Variants in LZTS3 observed in about 807,000 individuals in gnomAD.
The protein encoded by LZTS3 is leucine zipper putative tumor suppressor 3.
A neutral mutation model predicts 50.9 loss-of-function variants in LZTS3; 16 were observed. That is an observed-to-expected ratio of 0.31 (90% CI 0.21 to 0.48). LZTS3 has a LOEUF of 0.48. Ranked by LOEUF, LZTS3 falls within the 20% of genes least tolerant of loss-of-function variation. The probability of loss-of-function intolerance (pLI) is 0.99; values close to 1 mark genes in which losing one functional copy is unlikely to be tolerated. For synonymous variants in LZTS3, 408 were observed against 410.6 expected, an observed-to-expected ratio of 0.99 and a Z score of 0.08; for missense variants, 816 against 931.0, an observed-to-expected ratio of 0.88 and a Z score of 1.61.
chr20:3,171,324 C>T (rs1365645027), intron 1 of LZTS3, among the ~76,000 whole-genome samples: 1 of 152,090 alleles, frequency 6.6e-6, no homozygotes, highest in Non-Finnish European at 1.5e-5. Flanking sequence ...TTGTCCTGAG[C>T]CTCCTTTCTC....
chr20:3,172,052 A>G (rs1029197286), intron 1 of LZTS3, among the ~76,000 whole-genome samples: 6 of 151,962 alleles, frequency 3.9e-5, no homozygotes, highest in Non-Finnish European at 5.9e-5. Flanking sequence ...TCTCCTAAAA[A>G]TCTCTAGCCA....
Position 3,165,872 on chromosome 20 carries a change from G to C in LZTS3, c.948C>G (p.Ser316=), listed in dbSNP as rs1225612228. Residue 316 remains serine (S), a synonymous_variant, in exon 4 of 5, where the codon TCC becomes TCG. Transcript: ENST00000337576. The surrounding 1 kb of genome is among the most constrained non-coding windows in gnomAD (Gnocchi z 5.0). The part of the protein sequence containing the change: ...GLPFAACSPP[S]PSALIQELEE... The stretch of plus-strand genomic sequence containing the variant: ...CCAGCTCCTGGATGAGTGCACTGGG[G>C]GAGGGCGGTGAGCAGGCCGCGAAAG... 6.2e-7 allele frequency: 1 copy of C among 1,606,518 alleles called. No homozygotes were observed. The highest frequency in any genetic ancestry group is 1.7e-5 in the Admixed American group (1 of 59,924).
In LZTS3 at chr20:3,162,673, T is replaced by C. The variant is rs2066751530; in HGVS notation, c.*1781A>G. The stretch of plus-strand genomic sequence containing the variant: ...CTTTGGGAAAGGAAAACAAAAAGTC[T>C]TTCCATCACATATGGTAGAGATATA... On this transcript the variant is annotated 3_prime_UTR_variant, in exon 5 of 5. Transcript: ENST00000337576. The surrounding 1 kb of genome is among the most constrained non-coding windows in gnomAD (Gnocchi z 5.0). 6.6e-6 allele frequency: 1 copy of C among 152,596 alleles called. No homozygotes were observed. Among genetic ancestry groups the C allele is most frequent in the South Asian group, 2.1e-4 (1 of 4,834 alleles). 9.5% of individuals were successfully genotyped at this position (152,596 alleles called of 1,614,324 possible). A position where few individuals can be genotyped will look rare whatever the true frequency, so the allele number is the denominator to read the frequency against.
rs775727438 is a variant in LZTS3 at position 3,164,335 on chromosome 20, G to A, written c.*119C>T. The stretch of plus-strand genomic sequence containing the variant: ...GGAGGAACCTGGTCACAGCTGCTTA[G>A]AGAACCTCTTTGGTCTGGGGTTATG... On this transcript the variant is annotated 3_prime_UTR_variant, in exon 5 of 5. Coordinates refer to ENST00000337576, the MANE Select transcript of LZTS3 (RefSeq NM_001365618.1). 2.0e-4 allele frequency: 229 copies of A among 1,145,912 alleles called. No individual in the cohort carries two copies. Among genetic ancestry groups the A allele is most frequent in the Non-Finnish European group, 2.3e-4 (192 of 841,946 alleles). 71.0% of individuals were successfully genotyped at this position (1,145,912 alleles called of 1,614,324 possible).
chr20:3,165,414 A>T lies in LZTS3; in HGVS notation c.1323+83T>A. Reference sequence around the variant, plus strand: ...TCATCCCCCCCCCCATCCCACCGTTATGATAGTGAGGGGCAACTGCTCTGG... The same window carrying T: ...TCATCCCCCCCCCCATCCCACCGTTTTGATAGTGAGGGGCAACTGCTCTGG... On this transcript the variant is annotated intron_variant, in intron 4 of 4. Coordinates refer to ENST00000337576, the MANE Select transcript of LZTS3 (RefSeq NM_001365618.1). The surrounding 1 kb of genome is among the most constrained non-coding windows in gnomAD (Gnocchi z 5.0). The T allele has an allele frequency of 1.3e-6, 1 of 778,780 alleles. No individual in the cohort carries two copies. The highest frequency in any genetic ancestry group is 1.8e-6 in the Non-Finnish European group (1 of 551,502). 48.2% of individuals were successfully genotyped at this position (778,780 alleles called of 1,614,324 possible).
rs759110571 is a variant in LZTS3 at position 3,165,667 on chromosome 20, C to T, written c.1153G>A (p.Ala385Thr). 7 of 1,588,648 alleles carry T rather than the reference C, an allele frequency of 4.4e-6. No homozygotes were observed. In the African/African-American group the frequency reaches 6.7e-5, roughly 15 times the overall value. Residue 385 changes from alanine (A) to threonine (T), a missense_variant, in exon 4 of 5, where the codon GCC (alanine) becomes ACC (threonine). Around this residue, in one of 3 missense-constraint regions of LZTS3, gnomAD observed 700 missense variants for 769.4 expected, o/e 0.91. Transcript: ENST00000337576. This position sits in a 1 kb window ranked among gnomAD's most constrained non-coding sequence, Gnocchi z 5.0. ...LQQVARRAQR[A>T]QQGLQLQVLR... ...ACCTGCAGCTGTAGGCCCTGCTGGG[C>T]GCGCTGGGCACGTCGGGCCACCTGC...
chr20:3,173,138 G>A (rs1372935823), intron 1 of LZTS3, among the ~76,000 whole-genome samples: 1 of 152,136 alleles, frequency 6.6e-6, no homozygotes, highest in Non-Finnish European at 1.5e-5. Flanking sequence ...CAGGACCTGG[G>A]AGTCCCTGCG....
intron 1 of LZTS3, among the ~76,000 whole-genome samples, chr20:3,171,057 C>T (rs753713147): frequency 6.6e-6 from 1 of 152,128 alleles, no homozygotes; most frequent in Non-Finnish European, 1.5e-5. Flanking sequence ...ATACCTGGAT[C>T]TGGGCAGGAA....
At position 3,163,197 on chromosome 20, in the gene LZTS3, G is replaced by C. The variant is rs1394585286; in HGVS notation, c.*1257C>G. ...ATTAGAAATTTGCTTTTCCCTTCCTGTCTTGGGGAGATAGACTCTGAGAGG... is the reference window on the plus strand; with the variant it reads ...ATTAGAAATTTGCTTTTCCCTTCCTCTCTTGGGGAGATAGACTCTGAGAGG... On this transcript the variant is annotated 3_prime_UTR_variant, in exon 5 of 5. Transcript: ENST00000337576. This position sits in a 1 kb window ranked among gnomAD's most constrained non-coding sequence, Gnocchi z 5.2. 6.6e-6 allele frequency: 1 copy of C among 152,618 alleles called. No homozygotes were observed. The highest frequency in any genetic ancestry group is 1.5e-5 in the Non-Finnish European group (1 of 68,036). The allele number at this position is 152,618 out of a possible 1,614,324, so 9.5% of individuals were successfully genotyped here. A position where few individuals can be genotyped will look rare whatever the true frequency, so the allele number is the denominator to read the frequency against.
chr20:3,165,017 T>TCTCCCGCAGCGAAGCCCGGCC lies in LZTS3; in HGVS notation c.1438_1458dup (p.Gly480_Glu486dup). 2 of 1,559,696 alleles carry TCTCCCGCAGCGAAGCCCGGCC rather than the reference T, an allele frequency of 1.3e-6. No homozygotes were observed. Among genetic ancestry groups the TCTCCCGCAGCGAAGCCCGGCC allele is most frequent in the South Asian group, 2.4e-5 (2 of 85,020 alleles). On this transcript the variant is annotated inframe_insertion, in exon 5 of 5. Coordinates refer to ENST00000337576, the MANE Select transcript of LZTS3 (RefSeq NM_001365618.1). The surrounding 1 kb of genome is among the most constrained non-coding windows in gnomAD (Gnocchi z 5.0). ...CGCAGGCTGAGCAGCTGCTCCTCCT[T>TCTCCCGCAGCGAAGCCCGGCC]CTCCCGCAGCGAAGCCCGGCCCTCC...
At chr20:3,171,038 C>A (rs532221161) in intron 1 of LZTS3, among the ~76,000 whole-genome samples, 7 of 152,224 alleles carry the variant, frequency 4.6e-5, no homozygotes, top group African/African-American at 1.4e-4. Flanking sequence ...AGCAAGGTGA[C>A]TGCACCAGAT....
rs11908237 is a variant in LZTS3, at chr20:3,171,103, C to T, written c.-243+2352G>A. ...CAGTGATCATGTTGACCTTGAGTGA[C>T]AGGGTATAATGTTTGGGAAGGTGCT... On this transcript the variant is annotated intron_variant, in intron 1 of 4. Coordinates refer to ENST00000337576, the MANE Select transcript of LZTS3 (RefSeq NM_001365618.1). Among the ~76,000 whole-genome samples, 1,105 of 152,206 alleles carry T rather than the reference C, an allele frequency of 7.3e-3. 24 individuals carry two copies. The highest frequency in any genetic ancestry group is 0.025 in the African/African-American group (1,047 of 41,522).
chr20:3,170,053 G>C (rs6037491), intron 1 of LZTS3, among the ~76,000 whole-genome samples: 1,931 of 152,262 alleles, frequency 0.013, 54 homozygotes, highest in African/African-American at 0.044. Context: ...TGAAGGCCAA[G>C]ATTGGGGGGA....
At chr20:3,170,885 C>T (rs1164198372) in intron 1 of LZTS3, among the ~76,000 whole-genome samples, 1 of 152,180 alleles carries the variant, frequency 6.6e-6, no homozygotes, top group African/African-American at 2.4e-5. Flanking sequence ...GGCAGAGTTC[C>T]TGCTAAAAGA....
Position 3,165,697 on chromosome 20 carries a change from G to A in LZTS3, c.1123C>T (p.Leu375=), listed in dbSNP as rs763908473. ...TGGGCACGTCGGGCCACCTGCTGTA[G>A]CTTCCCGCTGCAGCCCTGCCGCAGC... The part of the protein sequence containing the change: ...AELRQGCSGK[L]QQVARRAQRA... The change falls in exon 4 of 5, where the codon CTA becomes TTA. Residue 375 remains leucine, a synonymous_variant. Coordinates refer to ENST00000337576, the MANE Select transcript of LZTS3 (RefSeq NM_001365618.1). This position sits in a 1 kb window ranked among gnomAD's most constrained non-coding sequence, Gnocchi z 5.0. The A allele has an allele frequency of 6.4e-7, 1 of 1,571,640 alleles. No homozygotes were observed. Among genetic ancestry groups the A allele is most frequent in the East Asian group, 2.3e-5 (1 of 43,004 alleles).
chr20:3,169,608 G>A (rs2066877328), intron 1 of LZTS3, among the ~76,000 whole-genome samples: 1 of 152,130 alleles, frequency 6.6e-6, no homozygotes, highest in Non-Finnish European at 1.5e-5. Context: ...GCCAAGCAAG[G>A]TGGCTCATGC....
intron 1 of LZTS3, among the ~76,000 whole-genome samples, chr20:3,171,259 C>T (rs1182167529): frequency 1.3e-5 from 2 of 152,080 alleles, no homozygotes; most frequent in Non-Finnish European, 2.9e-5. Context: ...TGTGTGTAGT[C>T]CCTAGCAAGT....
In LZTS3 at chr20:3,164,648, C is replaced by A; in HGVS notation, c.1828G>T (p.Glu610Ter). 6.2e-7 allele frequency: 1 copy of A among 1,612,996 alleles called. No homozygotes were observed. The highest frequency in any genetic ancestry group is 1.1e-5 in the South Asian group (1 of 90,924). Residue 610 changes from glutamate (E) to a stop codon, truncating the protein, a stop_gained, in exon 5 of 5, where the codon GAG becomes TAG. Transcript: ENST00000337576. LOFTEE classifies it high-confidence loss of function. Reference sequence around the variant, plus strand: ...TGCTTCTGGTACTCGATCACCTTCTCCTTCTCCTCCAGCCACACGCGGCGC... The same window carrying A: ...TGCTTCTGGTACTCGATCACCTTCTACTTCTCCTCCAGCCACACGCGGCGC... ...EERRVWLEEK[E>*]KVIEYQKQLQ...
intron 3 of LZTS3, 25 bp from the exon 4 acceptor site, chr20:3,166,385 G>A (rs767015017): frequency 3.8e-6 from 6 of 1,574,926 alleles, no homozygotes; most frequent in Admixed American, 3.5e-5. Flanking sequence ...GGAGGGGGCT[G>A]GGGGTCAGGA....
Sources: gnomAD v4.1 joint callset for allele counts (sites outside exome capture counted in the v4.1 genomes callset) on GRCh38, gnomAD v4.1.1 for gene constraint, gnomAD v4.1.1 regional missense constraint, Gnocchi (gnomAD v3.1) non-coding constraint, MANE v1.5 for transcripts, NCBI Gene and HGNC (gene_info 2026-07-23, HGNC 2026-07-21) for gene names.